NSF: variants seen among roughly 807,000 people sequenced by gnomAD.
The protein encoded by NSF is vesicle-fusing ATPase.
NSF carries 14 observed loss-of-function variants against 50.3 expected under a neutral mutation model. That is an observed-to-expected ratio of 0.28 (90% CI 0.18 to 0.44). NSF has a LOEUF of 0.44. Among genes scored for constraint, NSF ranks in the 20% least tolerant of loss-of-function variants. The probability of loss-of-function intolerance (pLI) is 1.00; values close to 1 mark genes in which losing one functional copy is unlikely to be tolerated. For synonymous variants in NSF, 109 were observed against 175.7 expected, an observed-to-expected ratio of 0.62 and a Z score of 3.00; for missense variants, 218 against 504.3, an observed-to-expected ratio of 0.43 and a Z score of 5.44.
At chr17:46,745,225 C>T (rs936526901) in intron 17 of NSF, among the ~76,000 whole-genome samples, 1 of 152,214 alleles carries the variant, frequency 6.6e-6, no homozygotes, top group African/African-American at 2.4e-5. Context: ...CAATGTATCA[C>T]TTTAATATAT....
At chr17:46,738,575 A>C (rs1346708652) in intron 17 of NSF, among the ~76,000 whole-genome samples, 1 of 152,230 alleles carries the variant, frequency 6.6e-6, no homozygotes, top group Non-Finnish European at 1.5e-5. Context: ...CTGTTGGAAT[A>C]TACAGGATTC....
intron 8 of NSF, among the ~76,000 whole-genome samples, chr17:46,655,324 C>CT (rs1318698760): frequency 1.3e-5 from 1 of 76,828 alleles, no homozygotes; most frequent in Non-Finnish European, 2.4e-5. Context: ...AGGGAGAAAT[C>CT]TTAGCAAGAC....
chr17:46,638,538 CG>C (rs2058203435), intron 5 of NSF, among the ~76,000 whole-genome samples: 1 of 36,250 alleles, frequency 2.8e-5, no homozygotes, highest in Non-Finnish European at 4.1e-5. Context: ...CCACCACACC[CG>C]ACTAATTTTG....
chr17:46,755,619 C>A, intron 20 of NSF, 183 bp from the exon 21 acceptor site: 1 of 715,950 alleles, frequency 1.4e-6, no homozygotes, highest in Non-Finnish European at 2.3e-6. Flanking sequence ...TTGGAACCTG[C>A]TTTTACATGC....
chr17:46,709,178 A>G (rs767722199), intron 13 of NSF, among the ~76,000 whole-genome samples: 1 of 152,170 alleles, frequency 6.6e-6, no homozygotes, highest in East Asian at 1.9e-4. Flanking sequence ...TAAAGACAAA[A>G]GCCAATTTGG....
At chr17:46,597,786 C>A (rs2146093447) in intron 1 of NSF, among the ~76,000 whole-genome samples, 1 of 118,710 alleles carries the variant, frequency 8.4e-6, no homozygotes, top group South Asian at 2.7e-4. Flanking sequence ...TGTTGCAATA[C>A]TCTTTTTTTT....
intron 15 of NSF, among the ~76,000 whole-genome samples, chr17:46,715,340 T>C (rs1216725855): frequency 6.6e-6 from 1 of 151,156 alleles, no homozygotes; most frequent in East Asian, 1.9e-4. Context: ...GCTGTTTTTC[T>C]TTGTTTTTCG....
chr17:46,727,557 T>C, intron 16 of NSF, among the ~76,000 whole-genome samples: 1 of 152,192 alleles, frequency 6.6e-6, no homozygotes. Context: ...TTTGGTCCTC[T>C]GTTATTTATT....
chr17:46,728,757 G>GT, intron 16 of NSF, 98 bp from the exon 17 acceptor site: 1 of 737,856 alleles, frequency 1.4e-6, no homozygotes, highest in Non-Finnish European at 2.2e-6. Context: ...TGTAGGGACT[G>GT]TGTTTACTTT....
intron 15 of NSF, among the ~76,000 whole-genome samples, chr17:46,718,836 G>C (rs2058800299): frequency 6.6e-6 from 1 of 152,190 alleles, no homozygotes; most frequent in Non-Finnish European, 1.5e-5. Context: ...ATGAAGTGTA[G>C]TGGTTATTTT....
Position 46,678,917 on chromosome 17 carries a change from A to G in NSF, c.945+4304A>G, listed in dbSNP as rs982988356. Among the ~76,000 whole-genome samples the G allele has an allele frequency of 3.7e-4, 53 of 144,834 alleles. 1 individual carries two copies. The highest frequency in any genetic ancestry group is 1.3e-3 in the African/African-American group (51 of 38,194). On this transcript the variant is annotated intron_variant, in intron 9 of 20. Coordinates refer to ENST00000398238, the MANE Select transcript of NSF (RefSeq NM_006178.4). ...TTTATATCCAGTAAATGGATGAATG[A>G]TCATAGAAATATATAATGGAATACA...
chr17:46,676,499 T>G, intron 9 of NSF, among the ~76,000 whole-genome samples: 1 of 146,348 alleles, frequency 6.8e-6, no homozygotes, highest in Non-Finnish European at 1.5e-5. Flanking sequence ...CCCAAAGTGC[T>G]GAGATTATAG....
rs986894799 is a variant in NSF at position 46,755,940 on chromosome 17, C to A, written c.*117C>A. On this transcript the variant is annotated 3_prime_UTR_variant, in exon 21 of 21. Coordinates refer to ENST00000398238, the MANE Select transcript of NSF (RefSeq NM_006178.4). Reference sequence around the variant, plus strand: ...TAAGTGGAACGTTCTCTACCTTCAACATGTGCTCGCTCTGCATGATTAGTG... The same window carrying A: ...TAAGTGGAACGTTCTCTACCTTCAAAATGTGCTCGCTCTGCATGATTAGTG... The A allele has an allele frequency of 1.2e-5, 11 of 940,302 alleles. No homozygotes were observed. In the African/African-American group the frequency reaches 1.3e-4, roughly 11 times the overall value. The allele number at this position is 940,302 out of a possible 1,614,324, so 58.2% of individuals were successfully genotyped here.
intron 14 of NSF, chr17:46,713,457 C>CGAA: frequency 6.3e-6 from 1 of 159,404 alleles, no homozygotes; most frequent in East Asian, 1.9e-4. Flanking sequence ...GCAGTTTTCC[C>CGAA]CTGCCCCCAA....
rs1302674582 is a variant in NSF at position 46,615,503 on chromosome 17, G to C, written c.13-8741G>C. On this transcript the variant is annotated intron_variant, in intron 1 of 20. Transcript: ENST00000398238. ...AGTCTGAAGCAGGCAGATCACTTGAGGTCAGGAGTTCGAGACCAGCCTGGC... is the reference window on the plus strand; with the variant it reads ...AGTCTGAAGCAGGCAGATCACTTGACGTCAGGAGTTCGAGACCAGCCTGGC... 1.3e-3 allele frequency among the ~76,000 whole-genome samples: 11 copies of C among 8,582 alleles called. No homozygotes were observed. In the East Asian group the frequency reaches 0.062, roughly 48 times the overall value. The allele number at this position is 8,582 out of a possible 152,430, so 5.6% of individuals were successfully genotyped here.
intron 17 of NSF, among the ~76,000 whole-genome samples, chr17:46,731,738 G>T (rs1339303761): frequency 2.0e-5 from 3 of 152,106 alleles, no homozygotes; most frequent in Non-Finnish European, 4.4e-5. Context: ...AATGGCAGGG[G>T]TTCTCTCTGA....
At chr17:46,754,768 A>C (rs1316702431) in intron 19 of NSF, among the ~76,000 whole-genome samples, 1 of 152,248 alleles carries the variant, frequency 6.6e-6, no homozygotes, top group Non-Finnish European at 1.5e-5. Flanking sequence ...TTCAGGAATC[A>C]GCAGTACTCT....
chr17:46,730,952 T>C (rs750861454), intron 17 of NSF, among the ~76,000 whole-genome samples: 1 of 136,052 alleles, frequency 7.4e-6, no homozygotes, highest in African/African-American at 2.6e-5. Context: ...GGAACCTGTA[T>C]GCACTGCTGG....
intron 17 of NSF, among the ~76,000 whole-genome samples, chr17:46,732,772 C>A (rs1422409053): frequency 6.6e-6 from 1 of 152,062 alleles, no homozygotes; most frequent in East Asian, 1.9e-4. Flanking sequence ...ATCAAGTTTC[C>A]CTGTGTTCTG....
Sources: gnomAD v4.1 joint callset for allele counts (sites outside exome capture counted in the v4.1 genomes callset) on GRCh38, gnomAD v4.1.1 for gene constraint, MANE v1.5 for transcripts, NCBI Gene and HGNC (gene_info 2026-07-23, HGNC 2026-07-21) for gene names.